The following ROBO1 variants were observed in gnomAD, a reference collection of about 807,000 sequenced individuals.
ROBO1 encodes roundabout homolog 1.
In ROBO1, 149 loss-of-function variants were observed where a neutral mutation model predicts 195.9. The observed-to-expected ratio is 0.76, with a 90% CI of 0.67 to 0.87. The LOEUF (loss-of-function observed/expected upper bound fraction) is 0.87. Among genes scored for constraint, ROBO1 ranks in the 40% least tolerant of loss-of-function variants. The pLI is 0.00. For synonymous variants in ROBO1, 816 were observed against 733.2 expected (o/e 1.11, Z -1.82); for missense variants, 1,933 against 2,068.3 (o/e 0.93, Z 1.27).
chr3:79,191,233 T>C (rs1274351611), intron 2 of ROBO1, among the ~76,000 whole-genome samples: 1 of 151,546 alleles, frequency 6.6e-6, no homozygotes, highest in Non-Finnish European at 1.5e-5. Context: ...TTTACTATTA[T>C]TATGATAAAA....
chr3:78,769,028 G>A lies in ROBO1; in HGVS notation c.500-22128C>T, dbSNP rs529279636. Among the ~76,000 whole-genome samples, 8 of 152,096 alleles carry A rather than the reference G, an allele frequency of 5.3e-5. No individual in the cohort carries two copies. The East Asian group carries it at 9.7e-4, about 18-fold the overall frequency. On this transcript the variant is annotated intron_variant, in intron 4 of 30. Transcript: ENST00000464233. ...GAATGTTCCATGGGCTGTTGAATGCGTATTCTGCAGTTGTTGGATGAGATG... is the reference window on the plus strand; with the variant it reads ...GAATGTTCCATGGGCTGTTGAATGCATATTCTGCAGTTGTTGGATGAGATG...
intron 2 of ROBO1, among the ~76,000 whole-genome samples, chr3:79,280,831 GT>G (rs34580865): frequency 6.6e-6 from 1 of 152,132 alleles, no homozygotes; most frequent in South Asian, 2.1e-4. Context: ...TCACAATAGG[GT>G]TTGAGCTCCT....
At chr3:79,359,605 G>A (rs979064053) in intron 2 of ROBO1, among the ~76,000 whole-genome samples, 10 of 151,836 alleles carry the variant, frequency 6.6e-5, no homozygotes, top group East Asian at 1.9e-4. Flanking sequence ...CATTCTAAAC[G>A]CCAGATTTGA....
intron 27 of ROBO1, among the ~76,000 whole-genome samples, chr3:78,616,303 A>G (rs568800326): frequency 1.3e-5 from 2 of 152,312 alleles, no homozygotes; most frequent in African/African-American, 4.8e-5. Context: ...GTAAAGTTAG[A>G]TGTTATTTAT....
At chr3:79,012,150 A>G (rs561670884) in intron 3 of ROBO1, among the ~76,000 whole-genome samples, 2 of 152,236 alleles carry the variant, frequency 1.3e-5, no homozygotes, top group African/African-American at 2.4e-5. Context: ...AATGTTTTCT[A>G]GTAAACCTTG....
intron 4 of ROBO1, among the ~76,000 whole-genome samples, chr3:78,790,225 A>AC (rs1282171947): frequency 6.6e-6 from 1 of 151,430 alleles, no homozygotes; most frequent in South Asian, 2.1e-4. Flanking sequence ...ACCTCACTCC[A>AC]CCCCACCTTT....
chr3:79,348,917 C>T (rs187617110), intron 2 of ROBO1, among the ~76,000 whole-genome samples: 5 of 152,050 alleles, frequency 3.3e-5, no homozygotes, highest in African/African-American at 9.6e-5. Context: ...AATGAAAACG[C>T]GAAAGTTTAA....
chr3:79,367,522 A>C (rs1373716169), intron 2 of ROBO1, among the ~76,000 whole-genome samples: 1 of 152,220 alleles, frequency 6.6e-6, no homozygotes, highest in Non-Finnish European at 1.5e-5. Flanking sequence ...AAGATCCCCC[A>C]CACAGTTTGC....
At chr3:78,957,633 C>T (rs958414597) in intron 3 of ROBO1, among the ~76,000 whole-genome samples, 1 of 152,144 alleles carries the variant, frequency 6.6e-6, no homozygotes, top group South Asian at 2.1e-4. Flanking sequence ...AGACCACAAA[C>T]CCTGAGGCGC....
chr3:78,647,323 A>G (rs942393216), intron 20 of ROBO1, among the ~76,000 whole-genome samples: 1 of 152,062 alleles, frequency 6.6e-6, no homozygotes, highest in African/African-American at 2.4e-5. Context: ...GAAGTAGTCA[A>G]TAAGATCATT....
intron 2 of ROBO1, among the ~76,000 whole-genome samples, chr3:79,349,491 A>G (rs1450364890): frequency 1.3e-5 from 2 of 152,204 alleles, no homozygotes; most frequent in Non-Finnish European, 2.9e-5. Context: ...TGATAGATAG[A>G]TTATAAGAAA....
chr3:78,917,458 T>G (rs567194632), intron 4 of ROBO1, among the ~76,000 whole-genome samples: 3 of 152,186 alleles, frequency 2.0e-5, no homozygotes, highest in African/African-American at 4.8e-5. Context: ...TATGAAAAAT[T>G]AAGCTAAATT....
chr3:79,060,365 G>A (rs779126554), intron 3 of ROBO1, among the ~76,000 whole-genome samples: 33 of 151,856 alleles, frequency 2.2e-4, no homozygotes, highest in Non-Finnish European at 3.7e-4. Context: ...TGATCTCTGT[G>A]ACCCACTCCC....
rs182278864 is a variant in ROBO1, at chr3:78,898,147, A to G, written c.499+40454T>C. Among the ~76,000 whole-genome samples the G allele has an allele frequency of 8.6e-4, 128 of 149,622 alleles. 2 individuals are homozygous for G. In the East Asian group the frequency reaches 0.017, roughly 20 times the overall value. ...ATATTTTAAGTTCTAAAACATATAT[A>G]TATATATATGTTGATTCCCTTTACA... On this transcript the variant is annotated intron_variant, in intron 4 of 30. Transcript: ENST00000464233.
chr3:78,960,779 AACACACACACACACACACACACACAC>A (rs751349324), intron 3 of ROBO1, among the ~76,000 whole-genome samples: 12 of 124,514 alleles, frequency 9.6e-5, no homozygotes, highest in African/African-American at 1.2e-4. Flanking sequence ...TCCGTATTAA[AACACACACACACACACACACACACAC>A]ACACACACAC....
chr3:78,898,793 T>C (rs1408075977), intron 4 of ROBO1, among the ~76,000 whole-genome samples: 1 of 152,148 alleles, frequency 6.6e-6, no homozygotes, highest in Admixed American at 6.5e-5. Context: ...TTGGTATACA[T>C]GGAAGTCCAT....
intron 18 of ROBO1, 72 bp downstream of exon 18, chr3:78,657,026 A>T: frequency 7.0e-7 from 1 of 1,419,214 alleles, no homozygotes; most frequent in Middle Eastern, 2.4e-4. Flanking sequence ...TGGCTCAGCC[A>T]CATGCAAAAA....
chr3:79,392,438 G>A (rs1380828688), intron 2 of ROBO1, among the ~76,000 whole-genome samples: 8 of 152,018 alleles, frequency 5.3e-5, no homozygotes, highest in Non-Finnish European at 8.8e-5. Context: ...TTCTCTTGAC[G>A]GCACCCATGG....
intron 2 of ROBO1, among the ~76,000 whole-genome samples, chr3:79,483,108 CTTTG>C (rs1938955823): frequency 6.6e-6 from 1 of 152,186 alleles, no homozygotes; most frequent in Non-Finnish European, 1.5e-5. Flanking sequence ...TAAACTTCCA[CTTTG>C]TTTGAACCAA....
Sources: allele counts gnomAD v4.1 joint callset (sites outside exome capture counted in the v4.1 genomes callset), GRCh38; gene constraint gnomAD v4.1.1; transcripts MANE v1.5; gene names NCBI Gene and HGNC (gene_info 2026-07-23, HGNC 2026-07-21).